Variants in THUMPD2 observed in about 807,000 individuals in gnomAD.
THUMPD2 encodes THUMP domain 2 tRNA and snRNA guanosine methyltransferase.
In THUMPD2, 56 loss-of-function variants were observed where a neutral mutation model predicts 49.4. The ratio of observed to expected loss-of-function variants is 1.13; its 90% confidence interval spans 0.91 to 1.41. The LOEUF is 1.41. Among genes scored for constraint, THUMPD2 ranks in the 40% most tolerant of loss-of-function variants. The pLI is 0.00. For synonymous variants in THUMPD2, 237 were observed against 205.2 expected (o/e 1.15, Z -1.32); for missense variants, 709 against 594.5 (o/e 1.19, Z -2.00).
At chr2:39,738,305 G>A (rs1168121934) in intron 9 of THUMPD2, among the ~76,000 whole-genome samples, 1 of 152,214 alleles carries the variant, frequency 6.6e-6, no homozygotes, top group Admixed American at 6.5e-5. Context: ...GCTCACACCT[G>A]TAATCCCAAC....
rs762113552 is a variant in THUMPD2, at chr2:39,755,898, T to C, written c.954A>G (p.Lys318=). ...AAACTTTAGAACTTACTGGCCATTC[T>C]TTAGCAGCTTCCAAAAGTATTGTTC... ...GLGTILLEAA[K]EWPDVYYVGA... Residue 318 remains lysine (K), a synonymous_variant, in exon 7 of 10, where the codon AAA becomes AAG. Transcript: ENST00000505747. 8.1e-6 allele frequency: 13 copies of C among 1,613,862 alleles called. No individual in the cohort carries two copies. In the Middle Eastern group the frequency reaches 8.3e-4, roughly 103 times the overall value.
intron 5 of THUMPD2, among the ~76,000 whole-genome samples, chr2:39,764,199 G>C (rs1677207423): frequency 6.6e-6 from 1 of 152,158 alleles, no homozygotes; most frequent in Admixed American, 6.5e-5. Flanking sequence ...GCTAACACTG[G>C]ATTGAACTGT....
intron 1 of THUMPD2, among the ~76,000 whole-genome samples, chr2:39,777,158 T>C (rs1572899761): frequency 6.6e-6 from 1 of 152,262 alleles, no homozygotes; most frequent in East Asian, 1.9e-4. Flanking sequence ...TTAGGCAGCA[T>C]GCTACCTGTG....
intron 9 of THUMPD2, among the ~76,000 whole-genome samples, chr2:39,737,552 A>G (rs1673263260): frequency 6.6e-6 from 1 of 152,230 alleles, no homozygotes; most frequent in African/African-American, 2.4e-5. Flanking sequence ...AAAAGTCATG[A>G]AAACACTTGC....
At chr2:39,769,190 A>G in intron 3 of THUMPD2, 1 of 942,306 alleles carries the variant, frequency 1.1e-6, no homozygotes, top group Non-Finnish European at 1.4e-6. Context: ...TACAAAGGAC[A>G]TCTGTAGATT....
At chr2:39,771,852 T>A (rs1040387239) in intron 1 of THUMPD2, among the ~76,000 whole-genome samples, 3 of 152,114 alleles carry the variant, frequency 2.0e-5, no homozygotes, top group Non-Finnish European at 4.4e-5. Flanking sequence ...CCACCAAAAG[T>A]AGACAAAAGA....
intron 9 of THUMPD2, among the ~76,000 whole-genome samples, chr2:39,740,828 T>C (rs1284636348): frequency 6.6e-6 from 1 of 152,108 alleles, no homozygotes; most frequent in East Asian, 1.9e-4. Context: ...TACTTTAGCC[T>C]TCCAAGTAGT....
At chr2:39,768,851 C>T in intron 3 of THUMPD2, 2 of 1,225,022 alleles carry the variant, frequency 1.6e-6, no homozygotes, top group Middle Eastern at 4.7e-4. Context: ...ATGTCAGCTA[C>T]TATAAGCCTA....
At chr2:39,746,541 C>T (rs1298222550) in intron 8 of THUMPD2, among the ~76,000 whole-genome samples, 1 of 152,090 alleles carries the variant, frequency 6.6e-6, no homozygotes, top group African/African-American at 2.4e-5. Context: ...AAAAAATTTG[C>T]TTGTAACTAA....
intron 3 of THUMPD2, 124 bp from the exon 4 acceptor site, chr2:39,768,625 TTC>T (rs1677872176): frequency 1.2e-6 from 1 of 822,334 alleles, no homozygotes; most frequent in Admixed American, 2.7e-5. Flanking sequence ...TAATTTAGAG[TTC>T]TGATATTAAA....
At chr2:39,770,264 T>C in intron 2 of THUMPD2, 145 bp from the exon 3 acceptor site, 2 of 570,590 alleles carry the variant, frequency 3.5e-6, no homozygotes, top group Non-Finnish European at 5.5e-6. Flanking sequence ...TCATTTGGAG[T>C]TCATATTCCA....
At chr2:39,747,689 A>G (rs1348575679) in intron 8 of THUMPD2, among the ~76,000 whole-genome samples, 1 of 152,176 alleles carries the variant, frequency 6.6e-6, no homozygotes, top group Non-Finnish European at 1.5e-5. Flanking sequence ...TAATTTGCCT[A>G]CAGTGCTAAT....
chr2:39,741,996 G>T (rs73924914), intron 9 of THUMPD2, among the ~76,000 whole-genome samples: 3,943 of 152,248 alleles, frequency 0.026, 184 homozygotes, highest in African/African-American at 0.091. Flanking sequence ...CAGCACTGTT[G>T]TAAGAGCTTT....
intron 6 of THUMPD2, among the ~76,000 whole-genome samples, chr2:39,756,572 G>A (rs1000585010): frequency 2.0e-5 from 3 of 152,102 alleles, no homozygotes; most frequent in African/African-American, 4.8e-5. Flanking sequence ...AGGAACACGG[G>A]TCTGGTCAAA....
rs368390346 is a variant in THUMPD2 at position 39,736,970 on chromosome 2, A to C, written c.1277T>G (p.Phe426Cys). The C allele has an allele frequency of 3.7e-6, 6 of 1,614,000 alleles. No individual in the cohort carries two copies. The highest frequency in any genetic ancestry group is 5.1e-6 in the Non-Finnish European group (6 of 1,180,022). ...ATCTGTGTGACTGTCCTTGGAATTGAAAGGGATGTTGCTCTCTTTACAATC... is the reference window on the plus strand; with the variant it reads ...ATCTGTGTGACTGTCCTTGGAATTGCAAGGGATGTTGCTCTCTTTACAATC... ...LTDCKESNIP[F>C]NSKDSHTDEP... The change falls in exon 10 of 10, where the codon TTC (phenylalanine) becomes TGC (cysteine). Residue 426 changes from phenylalanine (F) to cysteine (C), a missense_variant. Transcript: ENST00000505747.
At position 39,771,585 on chromosome 2, in the gene THUMPD2, A is replaced by C. The variant is rs762840917; in HGVS notation, c.182T>G (p.Leu61Trp). The C allele has an allele frequency of 6.2e-7, 1 of 1,606,266 alleles. No homozygotes were observed. The highest frequency in any genetic ancestry group is 8.5e-7 in the Non-Finnish European group (1 of 1,177,870). ...FFTTCSDLNM[L>W]KKLKSAERLF... is the part of the protein sequence containing the mutation. ...TCTTTCTGCAGATTTTAATTTCTTC[A>C]ACATATTCAAATCAGAACAGGTGGT... The change falls in exon 2 of 10, where the codon TTG (leucine) becomes TGG (tryptophan). Residue 61 changes from leucine to tryptophan, a missense_variant. Coordinates refer to ENST00000505747, the MANE Select transcript of THUMPD2 (RefSeq NM_025264.5).
Position 39,751,537 on chromosome 2 carries a change from T to G in THUMPD2, c.1078+3758A>C, listed in dbSNP as rs72805049. Reference sequence around the variant, plus strand: ...TATAGTTTCTATCTTATACTGAGAATGTAAATATATCTGCAGATTTAAAAA... The same window carrying G: ...TATAGTTTCTATCTTATACTGAGAAGGTAAATATATCTGCAGATTTAAAAA... On this transcript the variant is annotated intron_variant, in intron 8 of 9. Transcript: ENST00000505747. Among the ~76,000 whole-genome samples the G allele has an allele frequency of 2.2e-3, 331 of 152,322 alleles. 3 individuals carry two copies. Among genetic ancestry groups the G allele is most frequent in the Non-Finnish European group, 3.9e-3 (265 of 68,022 alleles).
chr2:39,769,991 T>A lies in THUMPD2; in HGVS notation c.391A>T (p.Asn131Tyr). 1 of 1,576,884 alleles carries A rather than the reference T, an allele frequency of 6.3e-7. No homozygotes were observed. The highest frequency in any genetic ancestry group is 8.5e-7 in the Non-Finnish European group (1 of 1,170,102). Residue 131 changes from asparagine (N) to tyrosine (Y), a missense_variant, in exon 3 of 10, where the codon AAC (asparagine) becomes TAC (tyrosine). Transcript: ENST00000505747. Reference sequence around the variant, plus strand: ...TCTCCCACTTTTCTTTTTAGTTGGTTATCATCTCTCTGAGAAAGTTTTTCC... The same window carrying A: ...TCTCCCACTTTTCTTTTTAGTTGGTAATCATCTCTCTGAGAAAGTTTTTCC... Reference protein sequence around the residue: ...KKEKLSQRDDNQLKRKVGENE... With the variant: ...KKEKLSQRDDYQLKRKVGENE...
intron 8 of THUMPD2, among the ~76,000 whole-genome samples, chr2:39,754,994 G>C (rs7599668): frequency 6.6e-6 from 1 of 151,972 alleles, no homozygotes; most frequent in Non-Finnish European, 1.5e-5. Context: ...TATTTTAAAC[G>C]ATCACTGGTT....
Sources: allele counts gnomAD v4.1 joint callset (sites outside exome capture counted in the v4.1 genomes callset), GRCh38; gene constraint gnomAD v4.1.1; transcripts MANE v1.5; gene names NCBI Gene and HGNC (gene_info 2026-07-23, HGNC 2026-07-21).